Variants in SLC22A25 observed in about 807,000 individuals in gnomAD.
The protein encoded by SLC22A25 is solute carrier family 22 member 25.
In SLC22A25, 44 loss-of-function variants were observed where a neutral mutation model predicts 45.9. That is an observed-to-expected ratio of 0.96 (90% CI 0.75 to 1.23). SLC22A25 has a LOEUF of 1.23. SLC22A25 is among the 50% of genes most tolerant of loss of function. The pLI, the probability that SLC22A25 is intolerant of heterozygous loss-of-function variation, is 0.00. For synonymous variants in SLC22A25, 283 were observed against 238.6 expected (o/e 1.19, Z -1.72); for missense variants, 800 against 666.4 (o/e 1.20, Z -2.21).
rs575152150 is a variant in SLC22A25 at position 63,228,955 on chromosome 11, C to T, written c.402+296G>A. 2.0e-5 allele frequency among the ~76,000 whole-genome samples: 3 copies of T among 152,328 alleles called. No individual in the cohort carries two copies. In the South Asian group the frequency reaches 6.2e-4, roughly 32 times the overall value. ...GAGGTTTATAATTTTCAACCACAGG[C>T]TGAGCATTCTTTACTTAGCAGAACA... On this transcript the variant is annotated intron_variant, in intron 4 of 11. Coordinates refer to ENST00000306494, the MANE Select transcript of SLC22A25 (RefSeq NM_199352.6).
At chr11:63,220,758 C>T (rs1274154436) in intron 5 of SLC22A25, among the ~76,000 whole-genome samples, 2 of 151,930 alleles carry the variant, frequency 1.3e-5, no homozygotes, top group Non-Finnish European at 2.9e-5. Flanking sequence ...TGCCCACTTT[C>T]CCCCTGACAC....
intron 9 of SLC22A25, 73 bp downstream of exon 9, chr11:63,180,587 G>A (rs1404651959): frequency 2.9e-6 from 3 of 1,048,076 alleles, no homozygotes; most frequent in Non-Finnish European, 4.2e-6. Flanking sequence ...TCAACATGTT[G>A]TATCATTTGA....
chr11:63,215,785 A>G (rs2089693770), intron 7 of SLC22A25, among the ~76,000 whole-genome samples: 1 of 151,968 alleles, frequency 6.6e-6, no homozygotes, highest in Non-Finnish European at 1.5e-5. Flanking sequence ...CTCCCCTCTC[A>G]AGTGGACCCC....
intron 3 of SLC22A25, among the ~76,000 whole-genome samples, chr11:63,237,623 A>C (rs1433646852): frequency 6.6e-6 from 1 of 152,256 alleles, no homozygotes; most frequent in Non-Finnish European, 1.5e-5. Context: ...GGACTAAGAC[A>C]GTAACTGTTC....
At chr11:63,176,483 T>C (rs7107579) in intron 9 of SLC22A25, among the ~76,000 whole-genome samples, 150,102 of 152,002 alleles carry the variant, frequency 0.99, 74,149 homozygotes, top group Middle Eastern at 1. Context: ...TAAATGAGAT[T>C]GCTTCTTAAT....
chr11:63,201,316 C>G (rs892509019), intron 7 of SLC22A25, among the ~76,000 whole-genome samples: 2 of 152,064 alleles, frequency 1.3e-5, no homozygotes, highest in Non-Finnish European at 2.9e-5. Flanking sequence ...AACACATAGA[C>G]CAATGGAACA....
intron 7 of SLC22A25, among the ~76,000 whole-genome samples, chr11:63,187,522 T>C (rs534389598): frequency 2.0e-5 from 3 of 152,330 alleles, no homozygotes; most frequent in South Asian, 2.1e-4. Flanking sequence ...CTTTTCCTAA[T>C]TGAATACATT....
intron 7 of SLC22A25, among the ~76,000 whole-genome samples, chr11:63,203,506 A>G (rs2089309475): frequency 1.3e-5 from 2 of 151,970 alleles, no homozygotes; most frequent in Admixed American, 6.6e-5. Context: ...AACTTCATGA[A>G]GCATACACAA....
At chr11:63,186,421 T>A (rs1285872970) in intron 7 of SLC22A25, among the ~76,000 whole-genome samples, 1 of 151,142 alleles carries the variant, frequency 6.6e-6, no homozygotes, top group Non-Finnish European at 1.5e-5. Context: ...TTTGTTTGAG[T>A]TCATTGTAGA....
At chr11:63,192,299 A>G (rs981359983) in intron 7 of SLC22A25, among the ~76,000 whole-genome samples, 1 of 152,184 alleles carries the variant, frequency 6.6e-6, no homozygotes, top group African/African-American at 2.4e-5. Context: ...GAGGGAGTTC[A>G]TTACCACCAG....
chr11:63,202,316 G>C (rs573927179), intron 7 of SLC22A25, among the ~76,000 whole-genome samples: 1 of 151,890 alleles, frequency 6.6e-6, no homozygotes, highest in African/African-American at 2.4e-5. Flanking sequence ...TCACTCCCCT[G>C]TAAAGGGGGC....
At chr11:63,224,086 C>T (rs1259936681) in intron 5 of SLC22A25, among the ~76,000 whole-genome samples, 1 of 151,966 alleles carries the variant, frequency 6.6e-6, no homozygotes, top group Non-Finnish European at 1.5e-5. Flanking sequence ...TATATTGGGG[C>T]CTATCTCTCT....
intron 7 of SLC22A25, among the ~76,000 whole-genome samples, chr11:63,212,414 AC>A (rs1202129473): frequency 6.6e-6 from 1 of 152,146 alleles, no homozygotes; most frequent in Admixed American, 6.6e-5. Flanking sequence ...CTTGGAACCA[AC>A]CCAAATGTCC....
At position 63,166,031 on chromosome 11, in the gene SLC22A25, G is replaced by GAAC; in HGVS notation, c.1285+10_1285+12dup. On this transcript the variant is annotated intron_variant, in intron 10 of 11. Transcript: ENST00000306494. Reference sequence around the variant, plus strand: ...AAGACATTTTCTTTCTTCCACCTGTGAACTTTTCTCACCTTGAGGCACAAA... The same window carrying GAAC: ...AAGACATTTTCTTTCTTCCACCTGTGAACAACTTTTCTCACCTTGAGGCACAAA... The GAAC allele has an allele frequency of 4.3e-6, 7 of 1,612,292 alleles. No individual in the cohort carries two copies. The highest frequency in any genetic ancestry group is 5.9e-6 in the Non-Finnish European group (7 of 1,178,540).
chr11:63,198,967 G>C (rs998869641), intron 7 of SLC22A25, among the ~76,000 whole-genome samples: 1 of 151,902 alleles, frequency 6.6e-6, no homozygotes, highest in African/African-American at 2.4e-5. Context: ...AAGATCTAAA[G>C]TTAACAACCT....
rs35620794 is a variant in SLC22A25 at position 63,178,476 on chromosome 11, A to ATT, written c.1070+2182_1070+2183dup. Reference sequence around the variant, plus strand: ...CCCCTCTATATGCATCTTCCCCAGCATTTTTTTTTTTGTCTTTTTGATAAT... The same window carrying ATT: ...CCCCTCTATATGCATCTTCCCCAGCATTTTTTTTTTTTTGTCTTTTTGATAAT... On this transcript the variant is annotated intron_variant, in intron 9 of 11. Transcript: ENST00000306494. 8.8e-3 allele frequency among the ~76,000 whole-genome samples: 1,300 copies of ATT among 147,684 alleles called. 26 individuals carry two copies. Among genetic ancestry groups the ATT allele is most frequent in the East Asian group, 0.073 (369 of 5,034 alleles).
chr11:63,222,284 T>A (rs1208295155), intron 5 of SLC22A25, among the ~76,000 whole-genome samples: 1 of 152,092 alleles, frequency 6.6e-6, no homozygotes, highest in East Asian at 1.9e-4. Flanking sequence ...CCATTTTTGG[T>A]GTCCCATTCA....
intron 7 of SLC22A25, among the ~76,000 whole-genome samples, chr11:63,209,099 G>A (rs370730687): frequency 1.1e-3 from 172 of 152,250 alleles, no homozygotes; most frequent in African/African-American, 4.0e-3. Context: ...CCCTCTGAAG[G>A]TACAAAAGAC....
chr11:63,210,443 A>T (rs1278002516), intron 7 of SLC22A25, among the ~76,000 whole-genome samples: 1 of 152,212 alleles, frequency 6.6e-6, no homozygotes, highest in Non-Finnish European at 1.5e-5. Context: ...TTGGTTGGAC[A>T]GGAACCAATG....
Sources: gnomAD v4.1 joint callset for allele counts (sites outside exome capture counted in the v4.1 genomes callset) on GRCh38, gnomAD v4.1.1 for gene constraint, MANE v1.5 for transcripts, NCBI Gene and HGNC (gene_info 2026-07-23, HGNC 2026-07-21) for gene names.